The following DENND1A variants were observed in gnomAD, a reference collection of about 807,000 sequenced individuals.
The protein encoded by DENND1A is DENN domain-containing protein 1A.
DENND1A carries 51 observed loss-of-function variants against 113.7 expected under a neutral mutation model. That is an observed-to-expected ratio of 0.45 (90% confidence interval 0.36 to 0.57). DENND1A has a LOEUF of 0.57. DENND1A is among the 20% of genes least tolerant of loss of function. The pLI is 0.00. For synonymous variants in DENND1A, 565 were observed against 570.8 expected, an observed-to-expected ratio of 0.99 and a Z score of 0.14; for missense variants, 1,258 against 1,395.9, an observed-to-expected ratio of 0.90 and a Z score of 1.57.
chr9:123,814,598 T>C (rs1837162907), intron 2 of DENND1A, among the ~76,000 whole-genome samples: 2 of 152,212 alleles, frequency 1.3e-5, no homozygotes. Flanking sequence ...ACAAGTATTG[T>C]ATTGTTCAAA....
rs1022024000 is a variant in DENND1A at position 123,893,846 on chromosome 9, A to C, written c.18-14825T>G. ...CCTAAAATGTGTTCCATCTCCTAAC[A>C]ATGTCCTATTTATTCAAGATGCATC... On this transcript the variant is annotated intron_variant, in intron 1 of 23. Transcript: ENST00000394215. 2.0e-5 allele frequency among the ~76,000 whole-genome samples: 3 copies of C among 152,326 alleles called. No individual in the cohort carries two copies. In the East Asian group the frequency reaches 5.8e-4, roughly 29 times the overall value.
At chr9:123,614,759 C>T (rs556928365) in intron 10 of DENND1A, among the ~76,000 whole-genome samples, 2 of 152,306 alleles carry the variant, frequency 1.3e-5, no homozygotes, top group South Asian at 2.1e-4. Context: ...TAGGTATCCA[C>T]GTTACAATAT....
intron 20 of DENND1A, among the ~76,000 whole-genome samples, chr9:123,406,684 G>C (rs1316145626): frequency 1.3e-5 from 2 of 152,208 alleles, no homozygotes; most frequent in South Asian, 2.1e-4. Flanking sequence ...GGGTATCCCT[G>C]CACCCCTTCT....
intron 13 of DENND1A, among the ~76,000 whole-genome samples, chr9:123,534,282 T>C (rs1380585332): frequency 2.0e-5 from 3 of 152,228 alleles, no homozygotes; most frequent in East Asian, 1.9e-4. Flanking sequence ...ACCACACATG[T>C]ATGTAGCTCA....
chr9:123,401,714 G>C (rs1588341150), intron 21 of DENND1A: 2 of 1,590,840 alleles, frequency 1.3e-6, no homozygotes, highest in Non-Finnish European at 1.7e-6. Context: ...CACAGTTCAG[G>C]TGATAAGCAG....
intron 19 of DENND1A, chr9:123,414,018 A>G (rs2044520775): frequency 2.4e-5 from 24 of 989,628 alleles, no homozygotes; most frequent in Non-Finnish European, 2.8e-5. Flanking sequence ...CTCCAGCCCC[A>G]CTGTCTTCAC....
chr9:123,416,836 T>A (rs976918953), intron 19 of DENND1A, among the ~76,000 whole-genome samples: 1 of 152,076 alleles, frequency 6.6e-6, no homozygotes, highest in African/African-American at 2.4e-5. Flanking sequence ...AACAACTAAG[T>A]ATTTGGGGGC....
At chr9:123,538,273 A>T (rs556506417) in intron 13 of DENND1A, among the ~76,000 whole-genome samples, 51 of 152,346 alleles carry the variant, frequency 3.3e-4, no homozygotes, top group African/African-American at 1.2e-3. Flanking sequence ...AAAGCTCTGT[A>T]GTCTTGAATT....
At chr9:123,660,455 TA>T (rs145768477) in intron 8 of DENND1A, among the ~76,000 whole-genome samples, 33,408 of 146,804 alleles carry the variant, frequency 0.23, 4,061 homozygotes, top group Admixed American at 0.28. Context: ...TGAGAAGACT[TA>T]AAAAAAAAAA....
At chr9:123,541,567 C>T (rs140532513) in intron 13 of DENND1A, among the ~76,000 whole-genome samples, 25 of 152,156 alleles carry the variant, frequency 1.6e-4, no homozygotes, top group Admixed American at 3.3e-4. Context: ...ATGAATAATG[C>T]CAGTGAGCTG....
chr9:123,379,846 C>T lies in DENND1A; in HGVS notation c.*1586G>A, dbSNP rs550561376. ...CGCCAGCACCTCCTCTGCCCTATCC[C>T]GGATGGGGCCTGGGGGTCTGCCCAG... On this transcript the variant is annotated 3_prime_UTR_variant, in exon 24 of 24. Transcript: ENST00000394215. 3.3e-5 allele frequency: 5 copies of T among 152,492 alleles called. No homozygotes were observed. Among genetic ancestry groups the T allele is most frequent in the Non-Finnish European group, 7.3e-5 (5 of 68,258 alleles). The allele number at this position is 152,492 out of a possible 1,614,324, so 9.4% of individuals were successfully genotyped here.
chr9:123,707,334 C>T (rs961717811), intron 5 of DENND1A, among the ~76,000 whole-genome samples: 4 of 151,246 alleles, frequency 2.6e-5, no homozygotes, highest in African/African-American at 9.7e-5. Context: ...GCGGAGGTTG[C>T]AGTGAGCCAA....
At chr9:123,625,868 G>A (rs533898447) in intron 10 of DENND1A, among the ~76,000 whole-genome samples, 3 of 152,276 alleles carry the variant, frequency 2.0e-5, no homozygotes, top group South Asian at 2.1e-4. Flanking sequence ...CCTGAAGCAC[G>A]GCATGAAAAC....
chr9:123,896,894 T>C (rs749771324), intron 1 of DENND1A, among the ~76,000 whole-genome samples: 4 of 152,138 alleles, frequency 2.6e-5, no homozygotes, highest in Non-Finnish European at 4.4e-5. Flanking sequence ...ATCAATACTC[T>C]GGAAGAGAAG....
intron 1 of DENND1A, among the ~76,000 whole-genome samples, chr9:123,914,830 A>T (rs937137780): frequency 2.6e-5 from 4 of 152,030 alleles, no homozygotes; most frequent in Non-Finnish European, 1.5e-5. Flanking sequence ...GCCATTCATG[A>T]GGGCCCACCC....
chr9:123,392,236 GT>G (rs200687739), intron 21 of DENND1A, among the ~76,000 whole-genome samples: 1 of 152,146 alleles, frequency 6.6e-6, no homozygotes, highest in South Asian at 2.1e-4. Flanking sequence ...CATCTCGGGA[GT>G]TTTTTTCATG....
intron 12 of DENND1A, among the ~76,000 whole-genome samples, chr9:123,582,402 T>G (rs190313252): frequency 7.3e-5 from 11 of 151,172 alleles, no homozygotes; most frequent in Admixed American, 7.2e-4. Context: ...CTTCTAACTT[T>G]CTTTTTTTTT....
intron 5 of DENND1A, among the ~76,000 whole-genome samples, chr9:123,688,516 G>C (rs1168374795): frequency 6.6e-6 from 1 of 152,170 alleles, no homozygotes; most frequent in African/African-American, 2.4e-5. Flanking sequence ...ATGGCATTAG[G>C]AATGATCTGA....
intron 4 of DENND1A, among the ~76,000 whole-genome samples, chr9:123,762,343 G>A (rs1313721392): frequency 2.0e-5 from 3 of 152,162 alleles, no homozygotes; most frequent in Admixed American, 2.0e-4. Context: ...AAAAACAAGG[G>A]AGAAAAGCAA....
Sources: allele counts gnomAD v4.1 joint callset (sites outside exome capture counted in the v4.1 genomes callset), GRCh38; gene constraint gnomAD v4.1.1; transcripts MANE v1.5; gene names NCBI Gene and HGNC (gene_info 2026-07-23, HGNC 2026-07-21).